SLC45A4: variants seen among roughly 807,000 people sequenced by gnomAD.
SLC45A4 encodes solute carrier family 45 member 4, also known as polyamine-transporter SLC45A4.
Under a neutral mutation model 63.7 loss-of-function variants are expected in SLC45A4, and 32 were observed. The observed-to-expected ratio is 0.50, with a 90% confidence interval of 0.38 to 0.67. SLC45A4 has a LOEUF of 0.67. Among genes scored for constraint, SLC45A4 ranks in the 30% least tolerant of loss-of-function variants. SLC45A4 has a pLI of 0.00. For synonymous variants in SLC45A4, 535 were observed against 510.0 expected (o/e 1.05, Z -0.66); for missense variants, 1,027 against 1,157.7 (o/e 0.89, Z 1.64).
At chr8:141,258,149 C>T (rs534686743) in intron 1 of SLC45A4, among the ~76,000 whole-genome samples, 2 of 150,918 alleles carry the variant, frequency 1.3e-5, no homozygotes, top group Admixed American at 6.6e-5. Flanking sequence ...CCCAGCTCTG[C>T]GCTGGATCTG....
At chr8:141,275,844 G>A (rs971896248) in intron 1 of SLC45A4, among the ~76,000 whole-genome samples, 3 of 151,904 alleles carry the variant, frequency 2.0e-5, no homozygotes, top group Non-Finnish European at 4.4e-5. Flanking sequence ...AGAAAGGTAC[G>A]GATGCAGATA....
At chr8:141,287,970 G>A (rs560383995) in intron 1 of SLC45A4, among the ~76,000 whole-genome samples, 12 of 152,220 alleles carry the variant, frequency 7.9e-5, no homozygotes, top group South Asian at 2.1e-4. Flanking sequence ...GCTTTGCACC[G>A]ACCCCCACGT....
rs144992718 is a variant in SLC45A4, at chr8:141,217,181, C to T, written c.1638G>A (p.Ser546=). 40 of 1,613,524 alleles carry T rather than the reference C, an allele frequency of 2.5e-5. No homozygotes were observed. The highest frequency in any genetic ancestry group is 3.3e-5 in the Admixed American group (2 of 60,008). ...TGTAGGCTTGCCAGGCGGTCGAGTT[C>T]GAGGGGGCCTGTTCCGGAAATGAGA... ...VIFEGDPKAP[S]NSTAWQAYNA... The change falls in exon 6 of 9, where the codon TCG becomes TCA. Residue 546 remains serine (S), a synonymous_variant. Transcript: ENST00000517878.
chr8:141,227,151 T>C lies in SLC45A4; in HGVS notation c.242-5386A>G, dbSNP rs559083321. 2.0e-5 allele frequency among the ~76,000 whole-genome samples: 3 copies of C among 152,136 alleles called. No individual in the cohort carries two copies. The highest frequency in any genetic ancestry group is 4.4e-5 in the Non-Finnish European group (3 of 68,008). On this transcript the variant is annotated intron_variant, in intron 2 of 8. Transcript: ENST00000517878. The surrounding 1 kb of genome is among the most constrained non-coding windows in gnomAD (Gnocchi z 4.4). The stretch of plus-strand genomic sequence containing the variant: ...AGTTTTGTTTTTTCCCAGGGAAAAG[T>C]TGAACAACAATGGTGAGACCAGGAA...
chr8:141,243,449 A>C (rs374354171), intron 2 of SLC45A4, among the ~76,000 whole-genome samples: 1 of 152,212 alleles, frequency 6.6e-6, no homozygotes, highest in Non-Finnish European at 1.5e-5. Context: ...CATCAACCAT[A>C]CTAAACCTGA....
intron 1 of SLC45A4, among the ~76,000 whole-genome samples, chr8:141,302,119 T>C (rs1463819025): frequency 6.6e-6 from 1 of 152,210 alleles, no homozygotes. Flanking sequence ...TATTTAACAT[T>C]GGATACTTTT....
chr8:141,216,092 C>G, intron 6 of SLC45A4, 122 bp from the exon 7 acceptor site: 1 of 868,820 alleles, frequency 1.2e-6, no homozygotes, highest in Non-Finnish European at 1.8e-6. Flanking sequence ...CAGCTGAACC[C>G]AGACCTGGTC....
At position 141,212,380 on chromosome 8, in the gene SLC45A4, G is replaced by A. The variant is rs1825890097; in HGVS notation, c.2118C>T (p.Gly706=). The A allele has an allele frequency of 6.2e-7, 1 of 1,613,584 alleles. No individual in the cohort carries two copies. Among genetic ancestry groups the A allele is most frequent in the South Asian group, 1.1e-5 (1 of 91,088 alleles). The change falls in exon 8 of 9, where the codon GGC becomes GGT. Residue 706 remains glycine (G), a synonymous_variant. Transcript: ENST00000517878. ...TCACCAGGAATGTGGCCGTCAGGAA[G>A]CCCAGGAAAGAGCCCACAGAGGCCA... ...PMVASVGSFL[G]FLTATFLVIY...
intron 1 of SLC45A4, among the ~76,000 whole-genome samples, chr8:141,307,451 G>A (rs1830932437): frequency 6.6e-6 from 1 of 152,122 alleles, no homozygotes; most frequent in Non-Finnish European, 1.5e-5. Flanking sequence ...TGCAGGCTGG[G>A]GGTCCGAGGC....
chr8:141,232,442 G>A (rs1827403969), intron 2 of SLC45A4, among the ~76,000 whole-genome samples: 1 of 152,214 alleles, frequency 6.6e-6, no homozygotes, highest in South Asian at 2.1e-4. Flanking sequence ...CACCCCAAAT[G>A]CCCAAGCATG....
chr8:141,297,916 G>T (rs1330554680), intron 1 of SLC45A4, among the ~76,000 whole-genome samples: 1 of 145,410 alleles, frequency 6.9e-6, no homozygotes, highest in African/African-American at 2.5e-5. Context: ...TAAAGAGAAG[G>T]ACATGACACC....
intron 1 of SLC45A4, among the ~76,000 whole-genome samples, chr8:141,290,447 C>T (rs770802927): frequency 6.6e-6 from 1 of 152,208 alleles, no homozygotes; most frequent in Non-Finnish European, 1.5e-5. Flanking sequence ...TTTTGGACAA[C>T]CTTGACTTTC....
At chr8:141,274,726 C>G (rs28608203) in intron 1 of SLC45A4, among the ~76,000 whole-genome samples, 1 of 152,070 alleles carries the variant, frequency 6.6e-6, no homozygotes, top group African/African-American at 2.4e-5. Flanking sequence ...TCAGCCATCT[C>G]GAGGGACAGA....
chr8:141,280,228 C>T (rs1476395622), intron 1 of SLC45A4, among the ~76,000 whole-genome samples: 1 of 152,208 alleles, frequency 6.6e-6, no homozygotes, highest in Non-Finnish European at 1.5e-5. Context: ...CCCACGTGCC[C>T]CCTGCCCACC....
At chr8:141,253,872 C>G in intron 2 of SLC45A4, 117 bp downstream of exon 2, 1 of 1,439,988 alleles carries the variant, frequency 6.9e-7, no homozygotes, top group Non-Finnish European at 9.2e-7. Flanking sequence ...GACAAAGACT[C>G]CAGTGCCCGG....
chr8:141,270,660 C>T (rs1306444979), intron 1 of SLC45A4, among the ~76,000 whole-genome samples: 1 of 152,152 alleles, frequency 6.6e-6, no homozygotes, highest in African/African-American at 2.4e-5. Context: ...GACAGAGTCT[C>T]TGTCCCGTGT....
intron 2 of SLC45A4, among the ~76,000 whole-genome samples, chr8:141,240,945 C>T (rs1001640604): frequency 3.3e-5 from 5 of 152,316 alleles, no homozygotes; most frequent in East Asian, 3.9e-4. Flanking sequence ...GGCAGCCGCC[C>T]GGATCCATGG....
intron 1 of SLC45A4, among the ~76,000 whole-genome samples, chr8:141,267,686 AGAT>A (rs1829331897): frequency 6.6e-6 from 1 of 152,230 alleles, no homozygotes; most frequent in Non-Finnish European, 1.5e-5. Flanking sequence ...ACCTCACCAA[AGAT>A]GATACACAGA....
chr8:141,269,326 C>G (rs1467123660), intron 1 of SLC45A4, among the ~76,000 whole-genome samples: 2 of 152,238 alleles, frequency 1.3e-5, no homozygotes, highest in Non-Finnish European at 2.9e-5. Context: ...ACTTCAGAAA[C>G]CGAAAAGGAC....
Sources: gnomAD v4.1 joint callset for allele counts (sites outside exome capture counted in the v4.1 genomes callset) on GRCh38, gnomAD v4.1.1 for gene constraint, Gnocchi (gnomAD v3.1) non-coding constraint, MANE v1.5 for transcripts, NCBI Gene and HGNC (gene_info 2026-07-23, HGNC 2026-07-21) for gene names.